Variants in KLF13 observed in about 807,000 individuals in gnomAD.
KLF13 encodes the protein KLF transcription factor 13, also known as Krueppel-like factor 13.
KLF13 carries 8 observed loss-of-function variants against 16.7 expected under a neutral mutation model. The ratio of observed to expected loss-of-function variants is 0.48; its 90% CI spans 0.28 to 0.87. KLF13 has a LOEUF of 0.87. Among genes scored for constraint, KLF13 ranks in the 40% least tolerant of loss-of-function variants. The pLI, the probability that KLF13 is intolerant of heterozygous loss-of-function variation, is 0.10. For missense variants in KLF13, 447 were observed against 452.2 expected, an observed-to-expected ratio of 0.99 and a Z score of 0.10; for synonymous variants, 245 against 208.4, an observed-to-expected ratio of 1.18 and a Z score of -1.51.
intron 1 of KLF13, among the ~76,000 whole-genome samples, chr15:31,330,630 C>T (rs892238026): frequency 1.3e-5 from 2 of 152,244 alleles, no homozygotes; most frequent in Non-Finnish European, 2.9e-5. Flanking sequence ...CCCCCACTCT[C>T]TGAACAGCTG....
downstream of KLF13, among the ~76,000 whole-genome samples, chr15:31,406,009 T>C (rs1289110014): frequency 6.6e-6 from 1 of 151,970 alleles, no homozygotes; most frequent in Non-Finnish European, 1.5e-5. Context: ...AAAGGACAAA[T>C]CAGGGAATCA....
In KLF13 at chr15:31,327,690, C is replaced by T. The variant is rs773876294; in HGVS notation, c.478C>T (p.Leu160Phe). 25 of 1,532,806 alleles carry T rather than the reference C, an allele frequency of 1.6e-5. No individual in the cohort carries two copies. Among genetic ancestry groups the T allele is most frequent in the East Asian group, 2.7e-5 (1 of 37,142 alleles). The allele number at this position is 1,532,806 out of a possible 1,614,324, so 95.0% of individuals were successfully genotyped here. A position where few individuals can be genotyped will look rare whatever the true frequency, so the allele number is the denominator to read the frequency against. ...RVRRGRSRAD[L>F]ESPQRKHKCH... ...CCGGCGGGGCCGAAGTCGCGCCGAC[C>T]TCGAGTCCCCGCAGAGGAAGCACAA... The change falls in exon 1 of 2, where the codon CTC (leucine) becomes TTC (phenylalanine). Residue 160 changes from leucine to phenylalanine, a missense_variant. Physicochemically the swap from Leu to Phe is conservative, Grantham distance 22. Transcript: ENST00000307145.
At chr15:31,425,832 G>A (rs1369439777) in intron 1 of KLF13, among the ~76,000 whole-genome samples, 9 of 152,136 alleles carry the variant, frequency 5.9e-5, no homozygotes, top group South Asian at 2.1e-4. Context: ...AGCTGAGATC[G>A]CGCCACTGCA....
chr15:31,418,792 C>G (rs1051905953), intron 1 of KLF13, among the ~76,000 whole-genome samples: 1 of 152,080 alleles, frequency 6.6e-6, no homozygotes, highest in African/African-American at 2.4e-5. Context: ...TAAAGAAATA[C>G]TCAAGAATGA....
At chr15:31,431,886 C>T (rs377108068) in intron 1 of KLF13, among the ~76,000 whole-genome samples, 19 of 152,304 alleles carry the variant, frequency 1.2e-4, no homozygotes, top group African/African-American at 1.7e-4. Context: ...CATTTAGGGA[C>T]GCTTGCTTAT....
chr15:31,404,798 C>T (rs76597340), downstream of KLF13: 2,295 of 152,466 alleles, frequency 0.015, 23 homozygotes, highest in Middle Eastern at 0.031. Flanking sequence ...TTCATTCTTG[C>T]GGTCAGCGAG....
At chr15:31,403,256 AG>A (rs1378655737) in intron 2 of KLF13, among the ~76,000 whole-genome samples, 1 of 152,182 alleles carries the variant, frequency 6.6e-6, no homozygotes, top group Non-Finnish European at 1.5e-5. Context: ...TCCAAGTCAA[AG>A]GCTACAGTGA....
At chr15:31,332,507 C>T (rs912479314) in intron 1 of KLF13, among the ~76,000 whole-genome samples, 2 of 152,180 alleles carry the variant, frequency 1.3e-5, no homozygotes, top group Non-Finnish European at 2.9e-5. Context: ...TCTCCACTCC[C>T]CCCTTCCCCC....
In KLF13 at chr15:31,333,011, C is replaced by T. The variant is rs1024111940; in HGVS notation, c.577+5222C>T. On this transcript the variant is annotated intron_variant, in intron 1 of 1. Coordinates refer to ENST00000307145, the MANE Select transcript of KLF13 (RefSeq NM_015995.4). ...ATACCATGGCACTGTGAAGTGTGTTCAGTTTGTGCTTTCAGGAAGCAATTA... is the reference window on the plus strand; with the variant it reads ...ATACCATGGCACTGTGAAGTGTGTTTAGTTTGTGCTTTCAGGAAGCAATTA... 4.6e-5 allele frequency among the ~76,000 whole-genome samples: 7 copies of T among 152,130 alleles called. No individual in the cohort carries two copies. The South Asian group carries it at 8.3e-4, about 18-fold the overall frequency.
intron 1 of KLF13, among the ~76,000 whole-genome samples, chr15:31,413,197 A>AAAC (rs1566843683): frequency 1.3e-5 from 2 of 149,520 alleles, no homozygotes; most frequent in Non-Finnish European, 3.0e-5. Context: ...CAAAAAAAAA[A>AAAC]AAAAACAAAA....
At chr15:31,370,678 C>CA (rs1258149802) in intron 1 of KLF13, among the ~76,000 whole-genome samples, 1 of 152,208 alleles carries the variant, frequency 6.6e-6, no homozygotes, top group Non-Finnish European at 1.5e-5. Context: ...CTCAGCCTCC[C>CA]AAAGTGCTGA....
intron 1 of KLF13, among the ~76,000 whole-genome samples, chr15:31,329,782 C>A (rs12439534): frequency 0.4 from 60,599 of 152,080 alleles, 13,235 homozygotes; most frequent in South Asian, 0.6. Context: ...TTCCACCCTT[C>A]AGGTGTGCAG....
downstream of KLF13, among the ~76,000 whole-genome samples, chr15:31,406,640 C>G (rs74542142): frequency 0.016 from 2,435 of 152,320 alleles, 48 homozygotes; most frequent in African/African-American, 0.047. Flanking sequence ...TCTCTTACAG[C>G]TATAATGGTC....
chr15:31,386,430 C>T (rs1009547854), intron 1 of KLF13, among the ~76,000 whole-genome samples: 4 of 151,962 alleles, frequency 2.6e-5, no homozygotes, highest in Non-Finnish European at 4.4e-5. Flanking sequence ...ATCTGGGAGG[C>T]GGAGGTTGCA....
At chr15:31,423,870 A>T (rs948624359) in intron 1 of KLF13, among the ~76,000 whole-genome samples, 5 of 152,342 alleles carry the variant, frequency 3.3e-5, no homozygotes, top group South Asian at 2.1e-4. Context: ...AAACGGGTAG[A>T]TCACAAATAT....
intron 1 of KLF13, among the ~76,000 whole-genome samples, chr15:31,368,186 T>G (rs1015409308): frequency 1.3e-5 from 2 of 152,172 alleles, no homozygotes; most frequent in African/African-American, 4.8e-5. Flanking sequence ...CTTGGCTATA[T>G]CTTTTGGGGG....
At chr15:31,331,615 G>A (rs986431440) in intron 1 of KLF13, among the ~76,000 whole-genome samples, 4 of 152,178 alleles carry the variant, frequency 2.6e-5, no homozygotes, top group Non-Finnish European at 5.9e-5. Context: ...AGGCTTGTTG[G>A]TGGCCTGTGC....
At chr15:31,403,013 T>C (rs1005715920) in intron 2 of KLF13, among the ~76,000 whole-genome samples, 16 of 151,990 alleles carry the variant, frequency 1.1e-4, no homozygotes, top group African/African-American at 3.9e-4. Context: ...GCAGGAAAAA[T>C]GGATGCCAGG....
At position 31,373,670 on chromosome 15, in the gene KLF13, G is replaced by C. The variant is rs1471172309; in HGVS notation, c.*1371G>C. On this transcript the variant is annotated 3_prime_UTR_variant, in exon 2 of 2. Transcript: ENST00000307145. The stretch of plus-strand genomic sequence containing the variant: ...CTCCTGGCAGGAGAGGAGGAGCAGA[G>C]AGCTGGGTCCTGGGCTGGGATTCGA... The C allele has an allele frequency of 2.0e-5, 3 of 152,262 alleles. No homozygotes were observed. Among genetic ancestry groups the C allele is most frequent in the Admixed American group, 2.0e-4 (3 of 15,284 alleles). 9.4% of individuals were successfully genotyped at this position (152,262 alleles called of 1,614,324 possible). A position where few individuals can be genotyped will look rare whatever the true frequency, so the allele number is the denominator to read the frequency against.
Sources: gnomAD v4.1 joint callset for allele counts (sites outside exome capture counted in the v4.1 genomes callset) on GRCh38, gnomAD v4.1.1 for gene constraint, MANE v1.5 for transcripts, NCBI Gene and HGNC (gene_info 2026-07-23, HGNC 2026-07-21) for gene names.